The following IARS1 variants were observed in gnomAD, a reference collection of about 807,000 sequenced individuals.
IARS1 encodes isoleucine--tRNA ligase, cytoplasmic.
In IARS1, 124 loss-of-function variants were observed where a neutral mutation model predicts 168.2. The observed-to-expected ratio is 0.74, with a 90% CI of 0.64 to 0.86. The LOEUF (loss-of-function observed/expected upper bound fraction) is 0.86. IARS1 is among the 40% of genes least tolerant of loss of function. The pLI, the probability that IARS1 is intolerant of heterozygous loss-of-function variation, is 0.00. For missense variants in IARS1, 1,452 were observed against 1,515.8 expected (o/e 0.96, Z 0.70); for synonymous variants, 532 against 529.4 (o/e 1.00, Z -0.07).
At chr9:92,285,642 G>A (rs1835327232) in intron 6 of IARS1, 80 bp downstream of exon 6, 1 of 830,092 alleles carries the variant, frequency 1.2e-6, no homozygotes, top group Non-Finnish European at 2.0e-6. Context: ...GGTCTACTTG[G>A]GAATACCTAC....
chr9:92,242,054 G>T, intron 29 of IARS1, 100 bp downstream of exon 29: 2 of 879,218 alleles, frequency 2.3e-6, no homozygotes, highest in Non-Finnish European at 1.8e-6. Flanking sequence ...AGAGTGCTGT[G>T]CCGATCTCTA....
intron 2 of IARS1, among the ~76,000 whole-genome samples, chr9:92,288,734 GAAAATAAA>G (rs1399257745): frequency 6.6e-6 from 1 of 152,054 alleles, no homozygotes; most frequent in Non-Finnish European, 1.5e-5. Flanking sequence ...GGGTGGTGAT[GAAAATAAA>G]GGTGGAAAGA....
chr9:92,287,541 T>C (rs753438113), intron 4 of IARS1: 10 of 314,176 alleles, frequency 3.2e-5, no homozygotes, highest in African/African-American at 2.0e-4. Context: ...CTATATATCA[T>C]GTTATACTTA....
chr9:92,253,488 G>C (rs771007652), intron 20 of IARS1, 35 bp from the exon 21 acceptor site: 13 of 1,413,566 alleles, frequency 9.2e-6, no homozygotes, highest in Non-Finnish European at 1.3e-5. Flanking sequence ...GCAGCAAGTG[G>C]GTTACCAGGC....
chr9:92,230,171 T>C (rs960889391), intron 30 of IARS1, among the ~76,000 whole-genome samples: 1 of 152,026 alleles, frequency 6.6e-6, no homozygotes, highest in African/African-American at 2.4e-5. Context: ...AATGCAGTAG[T>C]GCGATTTCGG....
intron 33 of IARS1, among the ~76,000 whole-genome samples, chr9:92,214,904 T>C (rs190212765): frequency 4.6e-4 from 70 of 152,306 alleles, no homozygotes; most frequent in Non-Finnish European, 7.4e-4. Context: ...GAAGCTCGAA[T>C]TGGGTGGAGC....
intron 23 of IARS1, 130 bp downstream of exon 23, chr9:92,250,583 T>G (rs1354540926): frequency 2.1e-5 from 22 of 1,041,252 alleles, no homozygotes; most frequent in Non-Finnish European, 2.7e-5. Context: ...GCCTGAGGAG[T>G]TCATGTCAGC....
At chr9:92,285,904 T>C (rs1436181380) in intron 5 of IARS1, 65 bp from the exon 6 acceptor site, 2 of 927,984 alleles carry the variant, frequency 2.2e-6, no homozygotes, top group Admixed American at 2.0e-5. Context: ...CAAACATTTA[T>C]GCCATTTTCT....
At chr9:92,227,640 G>C in intron 31 of IARS1, among the ~76,000 whole-genome samples, 1 of 150,226 alleles carries the variant, frequency 6.7e-6, no homozygotes, top group East Asian at 2.0e-4. Context: ...CCAGGCAGAG[G>C]GTCTCCTCAC....
chr9:92,288,293 A>T lies in IARS1; in HGVS notation c.120-11T>A, dbSNP rs1343181826. The T allele has an allele frequency of 3.1e-6, 5 of 1,613,660 alleles. No individual in the cohort carries two copies. In the South Asian group the frequency reaches 5.5e-5, roughly 18 times the overall value. On this transcript the variant is annotated splice_polypyrimidine_tract_variant and intron_variant, in intron 2 of 33. Coordinates refer to ENST00000443024, the MANE Select transcript of IARS1 (RefSeq NM_002161.6). ...TCATAGAAGGTAAATCTAACAGGTAATAAAAATATATCAAGCCATTTAAAA... is the reference window on the plus strand; with the variant it reads ...TCATAGAAGGTAAATCTAACAGGTATTAAAAATATATCAAGCCATTTAAAA...
At chr9:92,217,369 AAAGC>A (rs1200292994) in intron 33 of IARS1, among the ~76,000 whole-genome samples, 142 of 141,226 alleles carry the variant, frequency 1.0e-3, no homozygotes, top group African/African-American at 3.7e-3. Context: ...AAGAACTAGA[AAAGC>A]AAGAGCAAAC....
In IARS1 at chr9:92,253,302, TTTC is replaced by T. The variant is rs1436431862; in HGVS notation, c.2229+57_2229+59del. 81 of 1,044,502 alleles carry T rather than the reference TTTC, an allele frequency of 7.8e-5. No individual in the cohort carries two copies. The East Asian group carries it at 1.7e-3, about 23-fold the overall frequency. 64.7% of individuals were successfully genotyped at this position (1,044,502 alleles called of 1,614,324 possible). On this transcript the variant is annotated intron_variant, in intron 21 of 33. Coordinates refer to ENST00000443024, the MANE Select transcript of IARS1 (RefSeq NM_002161.6). ...CCTCTCCCTTCTGGCTATTCTCATA[TTTC>T]TTCTACTTTCAAACTTCATACACTT... is the stretch of plus-strand genomic sequence containing the variant.
In IARS1 at chr9:92,265,032, T is replaced by A; in HGVS notation, c.1597A>T (p.Met533Leu). 6.2e-7 allele frequency: 1 copy of A among 1,614,174 alleles called. No individual in the cohort carries two copies. The highest frequency in any genetic ancestry group is 8.5e-7 in the Non-Finnish European group (1 of 1,180,034). The change falls in exon 16 of 34, where the codon ATG becomes TTG. Residue 533 changes from methionine (M) to leucine (L), a missense_variant. Physicochemically the swap from Met to Leu is conservative, Grantham distance 15. Coordinates refer to ENST00000443024, the MANE Select transcript of IARS1 (RefSeq NM_002161.6). ...GGGTAATGAACCTGAGCATAGGGCA[T>A]GCTGCCACTCTCAAACCAACAGTCA... is the stretch of plus-strand genomic sequence containing the variant. Reference protein sequence around the residue: ...VFDCWFESGSMPYAQVHYPFE... With the variant: ...VFDCWFESGSLPYAQVHYPFE...
In IARS1 at chr9:92,265,033, G is replaced by A. The variant is rs1183508029; in HGVS notation, c.1596C>T (p.Ser532=). The change falls in exon 16 of 34, where the codon AGC becomes AGT. Residue 532 remains serine (S), a synonymous_variant. Transcript: ENST00000443024. ...EVFDCWFESG[S]MPYAQVHYPF... ...GGTAATGAACCTGAGCATAGGGCAT[G>A]CTGCCACTCTCAAACCAACAGTCAA... 3 of 1,614,096 alleles carry A rather than the reference G, an allele frequency of 1.9e-6. No individual in the cohort carries two copies. Among genetic ancestry groups the A allele is most frequent in the Non-Finnish European group, 8.5e-7 (1 of 1,179,996 alleles).
At chr9:92,285,261 G>GCAA (rs753992935) in intron 6 of IARS1, among the ~76,000 whole-genome samples, 1 of 152,064 alleles carries the variant, frequency 6.6e-6, no homozygotes, top group Admixed American at 6.5e-5. Flanking sequence ...CTCAATCATA[G>GCAA]CAACAACAAC....
rs184830795 is a variant in IARS1, at chr9:92,251,378, A to G, written c.2307+430T>C. ...CTAATATCTGAACTGATAAGAACAT[A>G]TATCAAACAATTACTTGCACGTTTT... On this transcript the variant is annotated intron_variant, in intron 22 of 33. Transcript: ENST00000443024. Among the ~76,000 whole-genome samples, 31 of 152,352 alleles carry G rather than the reference A, an allele frequency of 2.0e-4. No individual in the cohort carries two copies. The Middle Eastern group carries it at 0.014, about 67-fold the overall frequency.
intron 25 of IARS1, among the ~76,000 whole-genome samples, 187 bp downstream of exon 25, chr9:92,249,671 A>G (rs1425478779): frequency 1.3e-5 from 2 of 152,218 alleles, no homozygotes; most frequent in African/African-American, 4.8e-5. Flanking sequence ...TGATCTTGAA[A>G]TATTTTTAAA....
Position 92,274,018 on chromosome 9 carries a change from A to T in IARS1, c.990+408T>A, listed in dbSNP as rs539820347. ...TCATACACAAATTACATAAAAAGGAATGTGTTTTTAGAAAAATTATTCTAG... is the reference window on the plus strand; with the variant it reads ...TCATACACAAATTACATAAAAAGGATTGTGTTTTTAGAAAAATTATTCTAG... On this transcript the variant is annotated intron_variant, in intron 10 of 33. Coordinates refer to ENST00000443024, the MANE Select transcript of IARS1 (RefSeq NM_002161.6). 4.6e-5 allele frequency among the ~76,000 whole-genome samples: 7 copies of T among 152,370 alleles called. No individual in the cohort carries two copies. In the South Asian group the frequency reaches 1.4e-3, roughly 32 times the overall value.
intron 29 of IARS1, among the ~76,000 whole-genome samples, chr9:92,241,199 T>C (rs759289776): frequency 6.6e-6 from 1 of 152,160 alleles, no homozygotes; most frequent in Non-Finnish European, 1.5e-5. Context: ...TTACACAATA[T>C]GCAAAATACA....
Sources: gnomAD v4.1 joint callset for allele counts (sites outside exome capture counted in the v4.1 genomes callset) on GRCh38, gnomAD v4.1.1 for gene constraint, MANE v1.5 for transcripts, NCBI Gene and HGNC (gene_info 2026-07-23, HGNC 2026-07-21) for gene names.